NFIB: variants seen among roughly 807,000 people sequenced by gnomAD.
The protein encoded by NFIB is nuclear factor 1 B-type.
A neutral mutation model predicts 61.5 loss-of-function variants in NFIB; 11 were observed. That is an observed-to-expected ratio of 0.18 (90% CI 0.11 to 0.30). The LOEUF (loss-of-function observed/expected upper bound fraction) is 0.30, where lower values mean the gene tolerates loss of function less well. Among genes scored for constraint, NFIB ranks in the 10% least tolerant of loss-of-function variants. The probability of loss-of-function intolerance (pLI) is 1.00; values close to 1 mark genes in which losing one functional copy is unlikely to be tolerated. For synonymous variants in NFIB, 260 were observed against 216.5 expected, an observed-to-expected ratio of 1.20 and a Z score of -1.76; for missense variants, 471 against 608.9, an observed-to-expected ratio of 0.77 and a Z score of 2.38.
chr9:14,339,670 C>T (rs1176436325), intron 1 of NFIB, among the ~76,000 whole-genome samples: 1 of 152,176 alleles, frequency 6.6e-6, no homozygotes, highest in Non-Finnish European at 1.5e-5. Context: ...CTGACCCCAG[C>T]AGCAATCCAC....
At chr9:14,341,564 T>G (rs1049957584) in intron 1 of NFIB, among the ~76,000 whole-genome samples, 2 of 152,104 alleles carry the variant, frequency 1.3e-5, no homozygotes, top group African/African-American at 4.8e-5. Flanking sequence ...GACTCCAGTG[T>G]CAGTGCCGCT....
intron 2 of NFIB, among the ~76,000 whole-genome samples, chr9:14,273,071 C>A (rs1023597379): frequency 6.6e-6 from 1 of 152,156 alleles, no homozygotes; most frequent in African/African-American, 2.4e-5. Flanking sequence ...CCAGCCAGGG[C>A]ACGCCAGGGA....
At chr9:14,350,352 T>G (rs1170156093) in intron 1 of NFIB, among the ~76,000 whole-genome samples, 1 of 152,156 alleles carries the variant, frequency 6.6e-6, no homozygotes, top group Non-Finnish European at 1.5e-5. Context: ...AAAACAGACT[T>G]TCACAGAATG....
At chr9:14,386,553 G>A (rs183730922) in intron 1 of NFIB, among the ~76,000 whole-genome samples, 2 of 152,150 alleles carry the variant, frequency 1.3e-5, no homozygotes, top group Admixed American at 6.5e-5. Flanking sequence ...GCTCATAAAG[G>A]GGGGAGAAAT....
intron 1 of NFIB, among the ~76,000 whole-genome samples, chr9:14,347,574 G>A (rs564609663): frequency 6.6e-4 from 100 of 151,886 alleles, no homozygotes; most frequent in African/African-American, 2.2e-3. Context: ...AGTGAGCTGG[G>A]TGCGATTGGG....
chr9:14,420,651 C>T, the NFIB span, among the ~76,000 whole-genome samples: 1 of 151,972 alleles, frequency 6.6e-6, no homozygotes, highest in African/African-American at 2.4e-5. Flanking sequence ...AACCTGGTAA[C>T]CCTGTAGAAA....
intron 10 of NFIB, chr9:14,102,602 G>C: frequency 1.2e-6 from 1 of 811,962 alleles, no homozygotes; most frequent in Non-Finnish European, 1.7e-6. Context: ...TACTGTACAT[G>C]GCATTAACCT....
chr9:14,379,572 G>A (rs1230830436), intron 1 of NFIB, among the ~76,000 whole-genome samples: 2 of 152,090 alleles, frequency 1.3e-5, no homozygotes, highest in Non-Finnish European at 2.9e-5. Flanking sequence ...TGTCACTGTG[G>A]TATTATATCG....
chr9:14,274,172 C>G (rs895663625), intron 2 of NFIB, among the ~76,000 whole-genome samples: 2 of 151,388 alleles, frequency 1.3e-5, no homozygotes. Flanking sequence ...GACATTTCCA[C>G]TGGTAGTTCT....
At chr9:14,433,739 A>C in the NFIB span, among the ~76,000 whole-genome samples, 1 of 152,224 alleles carries the variant, frequency 6.6e-6, no homozygotes, top group Non-Finnish European at 1.5e-5. Flanking sequence ...GCAAATAAAA[A>C]ACCCCACACA....
intron 2 of NFIB, among the ~76,000 whole-genome samples, chr9:14,215,083 AT>A (rs921994109): frequency 6.6e-6 from 1 of 152,216 alleles, no homozygotes; most frequent in Non-Finnish European, 1.5e-5. Flanking sequence ...ATTACTTATA[AT>A]TTTTCAAAGT....
the NFIB span, among the ~76,000 whole-genome samples, chr9:14,502,696 G>T: frequency 6.6e-6 from 1 of 152,182 alleles, no homozygotes; most frequent in Non-Finnish European, 1.5e-5. Context: ...TTCCTAGGGG[G>T]AAGTTTTATT....
chr9:14,110,002 T>A (rs562520329), intron 10 of NFIB, among the ~76,000 whole-genome samples: 56 of 152,200 alleles, frequency 3.7e-4, no homozygotes, highest in African/African-American at 1.2e-3. Context: ...GTAAATGATA[T>A]GAAAGTGTAT....
At chr9:14,149,289 T>C (rs1375482524) in intron 5 of NFIB, among the ~76,000 whole-genome samples, 2 of 152,170 alleles carry the variant, frequency 1.3e-5, no homozygotes, top group East Asian at 3.8e-4. Context: ...CTTTCACTAC[T>C]GAGAATACTT....
intron 6 of NFIB, among the ~76,000 whole-genome samples, chr9:14,132,036 T>C (rs2040463285): frequency 6.6e-6 from 1 of 152,196 alleles, no homozygotes; most frequent in Non-Finnish European, 1.5e-5. Context: ...CAATTTTCTT[T>C]TTTGAAAAAT....
At chr9:14,208,924 C>G (rs527833683) in intron 2 of NFIB, among the ~76,000 whole-genome samples, 1 of 152,118 alleles carries the variant, frequency 6.6e-6, no homozygotes, top group African/African-American at 2.4e-5. Flanking sequence ...TTGCAACACC[C>G]CACCCATAAG....
chr9:14,320,560 T>C (rs1399340600), intron 1 of NFIB, among the ~76,000 whole-genome samples: 1 of 152,236 alleles, frequency 6.6e-6, no homozygotes, highest in Non-Finnish European at 1.5e-5. Context: ...ACAAACTCTT[T>C]GCAGTTTTTA....
chr9:14,100,238 A>G (rs772095236), intron 10 of NFIB, among the ~76,000 whole-genome samples: 1 of 152,148 alleles, frequency 6.6e-6, no homozygotes, highest in Non-Finnish European at 1.5e-5. Flanking sequence ...TTTCTGACTT[A>G]CTATGACCTG....
chr9:14,202,128 T>TCACACACACACACACACACA (rs3080833), intron 2 of NFIB, among the ~76,000 whole-genome samples: 1 of 147,078 alleles, frequency 6.8e-6, no homozygotes, highest in Non-Finnish European at 1.5e-5. Context: ...TTGATACTTT[T>TCACACACACACACACACACA]CACACACACA....
Sources: gnomAD v4.1 joint callset for allele counts (sites outside exome capture counted in the v4.1 genomes callset) on GRCh38, gnomAD v4.1.1 for gene constraint, MANE v1.5 for transcripts, NCBI Gene and HGNC (gene_info 2026-07-23, HGNC 2026-07-21) for gene names.